Variants in TACC2 observed in about 807,000 individuals in gnomAD.
TACC2 encodes transforming acidic coiled-coil containing protein 2, also known as transforming acidic coiled-coil-containing protein 2.
TACC2 carries 137 observed loss-of-function variants against 227.3 expected under a neutral mutation model. That is an observed-to-expected ratio of 0.60 (90% CI 0.52 to 0.69). The LOEUF (loss-of-function observed/expected upper bound fraction) is 0.69, where lower values mean the gene tolerates loss of function less well. TACC2 is among the 30% of genes least tolerant of loss of function. The pLI, the probability that TACC2 is intolerant of heterozygous loss-of-function variation, is 0.00. For synonymous variants in TACC2, 1,523 were observed against 1,487.5 expected, an observed-to-expected ratio of 1.02 and a Z score of -0.55; for missense variants, 3,470 against 3,694.4, an observed-to-expected ratio of 0.94 and a Z score of 1.57.
Position 122,090,812 on chromosome 10 carries a change from A to T in TACC2, c.5573+2221A>T, listed in dbSNP as rs544906061. Among the ~76,000 whole-genome samples, 4 of 152,210 alleles carry T rather than the reference A, an allele frequency of 2.6e-5. No homozygotes were observed. The East Asian group carries it at 7.8e-4, about 30-fold the overall frequency. On this transcript the variant is annotated intron_variant, in intron 5 of 22. Transcript: ENST00000369005. Reference sequence around the variant, plus strand: ...CACCCAGGCTGGACTGCAGTGGCACAATCTCTGCTCAATGCAGCCTCGACC... The same window carrying T: ...CACCCAGGCTGGACTGCAGTGGCACTATCTCTGCTCAATGCAGCCTCGACC...
At chr10:122,046,913 A>G (rs1160528625) in intron 2 of TACC2, among the ~76,000 whole-genome samples, 1 of 152,202 alleles carries the variant, frequency 6.6e-6, no homozygotes, top group African/African-American at 2.4e-5. Context: ...GGACCCTGAT[A>G]TAAAAATGCC....
intron 5 of TACC2, among the ~76,000 whole-genome samples, chr10:122,115,208 T>G (rs1188724071): frequency 6.6e-6 from 1 of 152,114 alleles, no homozygotes; most frequent in Non-Finnish European, 1.5e-5. Context: ...ACACAGAGCC[T>G]GGGAGGTAGA....
At chr10:122,031,397 C>CTTTTTTTTTTTTTTT (rs758476678) in intron 2 of TACC2, among the ~76,000 whole-genome samples, 1 of 91,738 alleles carries the variant, frequency 1.1e-5, no homozygotes. Flanking sequence ...GGTCTAGCCT[C>CTTTTTTTTTTTTTTT]TTTTTTTTTT....
rs769194674 is a variant in TACC2, at chr10:122,102,093, C to G, written c.5573+13502C>G. Among the ~76,000 whole-genome samples the G allele has an allele frequency of 1.2e-3, 186 of 152,184 alleles. 1 individual carries two copies. Among genetic ancestry groups the G allele is most frequent in the Non-Finnish European group, 2.4e-3 (164 of 68,018 alleles). ...GCCTACTACAAGGTACTGTGTGACG[C>G]TTCACCCGTCGGTTTGGGCAGTTTA... is the stretch of plus-strand genomic sequence containing the variant. On this transcript the variant is annotated intron_variant, in intron 5 of 22. Coordinates refer to ENST00000369005, the MANE Select transcript of TACC2 (RefSeq NM_206862.4).
In TACC2 at chr10:122,170,242, C is replaced by A. The variant is rs548061188; in HGVS notation, c.5835-24798C>A. On this transcript the variant is annotated intron_variant, in intron 7 of 22. Coordinates refer to ENST00000369005, the MANE Select transcript of TACC2 (RefSeq NM_206862.4). Reference sequence around the variant, plus strand: ...GACCTTATTCACCCAGGTGCTCAAACCAGAAACCTGATGATCAAGTCTTTT... The same window carrying A: ...GACCTTATTCACCCAGGTGCTCAAAACAGAAACCTGATGATCAAGTCTTTT... Among the ~76,000 whole-genome samples, 3 of 148,836 alleles carry A rather than the reference C, an allele frequency of 2.0e-5. No homozygotes were observed. In the East Asian group the frequency reaches 5.9e-4, roughly 29 times the overall value.
intron 2 of TACC2, among the ~76,000 whole-genome samples, chr10:122,032,791 T>A (rs1959143356): frequency 6.6e-6 from 1 of 152,062 alleles, no homozygotes; most frequent in African/African-American, 2.4e-5. Flanking sequence ...AAACCCCATC[T>A]CTACTAAAAA....
chr10:122,035,018 G>T (rs1231421255), intron 2 of TACC2, among the ~76,000 whole-genome samples: 1 of 152,096 alleles, frequency 6.6e-6, no homozygotes, highest in Admixed American at 6.6e-5. Flanking sequence ...GTGTATGGTG[G>T]ATCTGAAGGA....
intron 2 of TACC2, among the ~76,000 whole-genome samples, chr10:122,044,345 C>T (rs1032160585): frequency 2.0e-5 from 3 of 152,238 alleles, no homozygotes; most frequent in Admixed American, 6.5e-5. Flanking sequence ...TTGGGATGGT[C>T]TAGCAGAACT....
intron 19 of TACC2, among the ~76,000 whole-genome samples, chr10:122,245,794 A>AAAATATATATAT (rs2096101311): frequency 6.6e-6 from 1 of 152,070 alleles, no homozygotes; most frequent in Admixed American, 6.5e-5. Context: ...ACATTTTCTC[A>AAAATATATATAT]TTTAATCTCC....
chr10:122,083,596 G>A lies in TACC2; in HGVS notation c.1096G>A (p.Ala366Thr), dbSNP rs1324907028. ...VPEAGGSGKEALDTIDVQGHP... is the reference protein window; with the variant it reads ...VPEAGGSGKETLDTIDVQGHP... ...AGAGGCTGGGGGCTCTGGGAAGGAG[G>A]CTCTGGACACCATTGATGTTCAGGG... is the stretch of plus-strand genomic sequence containing the variant. The change falls in exon 4 of 23, where the codon GCT becomes ACT. Residue 366 changes from alanine (A) to threonine (T), a missense_variant. Ala to Thr is a moderately conservative substitution (Grantham distance 58, BLOSUM62 0). Transcript: ENST00000369005. The A allele has an allele frequency of 1.2e-6, 2 of 1,612,188 alleles. No homozygotes were observed. Among genetic ancestry groups the A allele is most frequent in the African/African-American group, 2.7e-5 (2 of 74,924 alleles).
Position 122,085,692 on chromosome 10 carries a change from G to A in TACC2, c.3192G>A (p.Ala1064=), listed in dbSNP as rs936063133. 4.2e-5 allele frequency: 67 copies of A among 1,613,660 alleles called. No individual in the cohort carries two copies. The highest frequency in any genetic ancestry group is 5.0e-5 in the Non-Finnish European group (59 of 1,180,018). Residue 1064 remains alanine, a synonymous_variant, in exon 4 of 23, where the codon GCG becomes GCA. Transcript: ENST00000369005. ...CAGTTCCCTGCCTGCCAGCCCTGGC[G>A]CCCGCCAGCCCCGGAGTCACACCCA... ...LDAVPCLPAL[A]PASPGVTPTQ...
intron 18 of TACC2, among the ~76,000 whole-genome samples, chr10:122,239,756 TGTG>T (rs1265838975): frequency 6.6e-6 from 1 of 152,046 alleles, no homozygotes; most frequent in Non-Finnish European, 1.5e-5. Flanking sequence ...TACTAGCTGA[TGTG>T]GTAGGATTTC....
intron 5 of TACC2, among the ~76,000 whole-genome samples, chr10:122,110,045 C>T (rs1223363588): frequency 6.6e-6 from 1 of 152,140 alleles, no homozygotes; most frequent in African/African-American, 2.4e-5. Context: ...CTATGGATGC[C>T]TTTAAGATAA....
chr10:122,177,353 G>A (rs1439833450), intron 7 of TACC2, among the ~76,000 whole-genome samples: 2 of 152,182 alleles, frequency 1.3e-5, no homozygotes, highest in Admixed American at 1.3e-4. Context: ...TTTGGAAGAT[G>A]CAGTTTGAAA....
In TACC2 at chr10:122,150,092, C is replaced by G. The variant is rs1301503747; in HGVS notation, c.5834+6386C>G. On this transcript the variant is annotated intron_variant, in intron 7 of 22. Coordinates refer to ENST00000369005, the MANE Select transcript of TACC2 (RefSeq NM_206862.4). This position sits in a 1 kb window ranked among gnomAD's most constrained non-coding sequence, Gnocchi z 4.0. ...GGTGGCTCCCTCAGTTCCGTGGGCCCAGGTCTGCAGTTCTTTTCCTCCTTC... is the reference window on the plus strand; with the variant it reads ...GGTGGCTCCCTCAGTTCCGTGGGCCGAGGTCTGCAGTTCTTTTCCTCCTTC... Among the ~76,000 whole-genome samples, 4 of 152,284 alleles carry G rather than the reference C, an allele frequency of 2.6e-5. No homozygotes were observed. Among genetic ancestry groups the G allele is most frequent in the African/African-American group, 9.6e-5 (4 of 41,576 alleles).
chr10:122,135,119 A>G (rs1267193868), intron 6 of TACC2, among the ~76,000 whole-genome samples: 2 of 152,140 alleles, frequency 1.3e-5, no homozygotes, highest in African/African-American at 4.8e-5. Flanking sequence ...AGACGTTAAC[A>G]TGCTCCAGTA....
In TACC2 at chr10:122,043,917, G is replaced by T. The variant is rs73368391; in HGVS notation, c.34-6521G>T. ...AGAGTATTTTCAGATTTATAGAAAA[G>T]TTGCAAAGATTGTATGGAGAGCTCC... On this transcript the variant is annotated intron_variant, in intron 2 of 22. Coordinates refer to ENST00000369005, the MANE Select transcript of TACC2 (RefSeq NM_206862.4). Among the ~76,000 whole-genome samples, 826 of 152,314 alleles carry T rather than the reference G, an allele frequency of 5.4e-3. 8 individuals are homozygous for T. The highest frequency in any genetic ancestry group is 0.019 in the African/African-American group (805 of 41,562).
chr10:122,144,705 A>G (rs1018627107), intron 7 of TACC2, among the ~76,000 whole-genome samples: 1 of 152,192 alleles, frequency 6.6e-6, no homozygotes, highest in African/African-American at 2.4e-5. Flanking sequence ...ACCGGGTAAC[A>G]GTAGGGTGGG....
Position 122,087,726 on chromosome 10 carries a change from G to A in TACC2, c.5226G>A (p.Leu1742=). The change falls in exon 4 of 23, where the codon CTG becomes CTA. Residue 1742 remains leucine (L), a synonymous_variant. Coordinates refer to ENST00000369005, the MANE Select transcript of TACC2 (RefSeq NM_206862.4). ...TFSVVAGDLV[L]PGSCQDPACS... Reference sequence around the variant, plus strand: ...CCGTTGTGGCAGGTGACTTGGTGCTGCCAGGAAGCTGTCAGGACCCAGCCT... The same window carrying A: ...CCGTTGTGGCAGGTGACTTGGTGCTACCAGGAAGCTGTCAGGACCCAGCCT... 6.2e-7 allele frequency: 1 copy of A among 1,611,956 alleles called. No homozygotes were observed. Among genetic ancestry groups the A allele is most frequent in the Non-Finnish European group, 8.5e-7 (1 of 1,179,506 alleles).
Sources: allele counts gnomAD v4.1 joint callset (sites outside exome capture counted in the v4.1 genomes callset), GRCh38; gene constraint gnomAD v4.1.1; non-coding constraint Gnocchi (gnomAD v3.1); transcripts MANE v1.5; gene names NCBI Gene and HGNC (gene_info 2026-07-23, HGNC 2026-07-21).